The following RRN3 variants were observed in gnomAD, a reference collection of about 807,000 sequenced individuals.
The protein encoded by RRN3 is RNA polymerase I-specific transcription initiation factor RRN3.
RRN3 carries 38 observed loss-of-function variants against 82.3 expected under a neutral mutation model. The ratio of observed to expected loss-of-function variants is 0.46; its 90% CI spans 0.36 to 0.61. The LOEUF is 0.61. Ranked by LOEUF, RRN3 falls within the 20% of genes least tolerant of loss-of-function variation. The pLI is 0.00. For missense variants in RRN3, 726 were observed against 793.1 expected (o/e 0.92, Z 1.02); for synonymous variants, 284 against 284.3 (o/e 1.00, Z 0.01).
At chr16:15,092,408 T>C in intron 2 of RRN3, 101 bp downstream of exon 2, 1 of 733,710 alleles carries the variant, frequency 1.4e-6, no homozygotes, top group South Asian at 1.5e-5. Context: ...TTTCAACTGG[T>C]ATCTTAATTA....
At chr16:15,075,020 TG>T (rs1342729084) in intron 10 of RRN3, among the ~76,000 whole-genome samples, 159 bp from the exon 11 acceptor site, 3 of 151,106 alleles carry the variant, frequency 2.0e-5, no homozygotes, top group African/African-American at 4.9e-5. Context: ...GAAGCAGAGG[TG>T]GGGGGATCAC....
chr16:15,076,484 A>G, intron 10 of RRN3, 74 bp downstream of exon 10: 1 of 1,009,332 alleles, frequency 9.9e-7, no homozygotes, highest in Non-Finnish European at 1.6e-6. Flanking sequence ...AAGCCTTAAC[A>G]AAGATGAGCA....
At position 15,094,184 on chromosome 16, in the gene RRN3, G is replaced by A. The variant is rs142932327; in HGVS notation, c.50C>T (p.Ser17Leu). The change falls in exon 1 of 18, where the codon TCG (serine) becomes TTG (leucine). Residue 17 changes from serine (S) to leucine (L), a missense_variant. Coordinates refer to ENST00000198767, the MANE Select transcript of RRN3 (RefSeq NM_018427.5). ...GCCCAGCTTCTTAACTGCAGAGGACGAAGCGGCCGCATCTCCCGGCAAACG... is the reference window on the plus strand; with the variant it reads ...GCCCAGCTTCTTAACTGCAGAGGACAAAGCGGCCGCATCTCCCGGCAAACG... The part of the protein sequence containing the change: ...HTRLPGDAAA[S>L]SSAVKKLGAS... 2.2e-4 allele frequency: 358 copies of A among 1,601,958 alleles called. No homozygotes were observed. The African/African-American group carries it at 3.7e-3, about 16-fold the overall frequency.
At chr16:15,077,104 C>T (rs1351159695) in intron 9 of RRN3, among the ~76,000 whole-genome samples, 9 of 151,844 alleles carry the variant, frequency 5.9e-5, no homozygotes, top group African/African-American at 1.7e-4. Flanking sequence ...CTCAGCCTCC[C>T]GAGTAGCTGG....
chr16:15,073,225 G>T, intron 11 of RRN3, 145 bp from the exon 12 acceptor site: 1 of 896,638 alleles, frequency 1.1e-6, no homozygotes, highest in Non-Finnish European at 1.7e-6. Flanking sequence ...CAGCACTTTG[G>T]GAGGCCAAAG....
At position 15,063,361 on chromosome 16, in the gene RRN3, A is replaced by G. The variant is rs1237783878; in HGVS notation, c.1707-78T>C. 4.8e-6 allele frequency: 5 copies of G among 1,045,894 alleles called. No individual in the cohort carries two copies. In the Admixed American group the frequency reaches 8.5e-5, roughly 18 times the overall value. 64.8% of individuals were successfully genotyped at this position (1,045,894 alleles called of 1,614,324 possible). On this transcript the variant is annotated intron_variant, in intron 16 of 17. Transcript: ENST00000198767. ...AAAATTGGTTTGGATCTTTTCTCAC[A>G]AGATCTATTACCCAAAACCAAGAAG...
intron 9 of RRN3, among the ~76,000 whole-genome samples, chr16:15,078,770 G>A (rs2045569111): frequency 6.6e-6 from 1 of 151,044 alleles, no homozygotes; most frequent in South Asian, 2.1e-4. Flanking sequence ...ACCTGGCCAA[G>A]ATGGAACTAC....
rs2045192232 is a variant in RRN3 at position 15,070,832 on chromosome 16, A to G, written c.1259+289T>C. ...AAATGAAAAAATGACAAACCTACAA[A>G]AAGAATCAAAACAGTATACAACACT... On this transcript the variant is annotated intron_variant, in intron 13 of 17. Transcript: ENST00000198767. Among the ~76,000 whole-genome samples, 2 of 152,144 alleles carry G rather than the reference A, an allele frequency of 1.3e-5. 1 individual carries two copies. The highest frequency in any genetic ancestry group is 1.3e-4 in the Admixed American group (2 of 15,266).
chr16:15,080,742 A>G (rs549035702), intron 8 of RRN3, among the ~76,000 whole-genome samples: 8 of 152,258 alleles, frequency 5.3e-5, no homozygotes, highest in African/African-American at 1.9e-4. Context: ...TAACATTTTA[A>G]TCACGCTAAA....
chr16:15,066,833 G>C (rs1007636731), intron 15 of RRN3, among the ~76,000 whole-genome samples: 2 of 151,600 alleles, frequency 1.3e-5, no homozygotes, highest in South Asian at 2.1e-4. Flanking sequence ...TCTGTACCTA[G>C]GCAGAGACTT....
Position 15,068,240 on chromosome 16 carries a change from T to C in RRN3, c.1482A>G (p.Ile494Met). 1 of 1,584,314 alleles carries C rather than the reference T, an allele frequency of 6.3e-7. No homozygotes were observed. The highest frequency in any genetic ancestry group is 8.6e-7 in the Non-Finnish European group (1 of 1,167,408). The change falls in exon 15 of 18, where the codon ATA (isoleucine) becomes ATG (methionine). Residue 494 changes from isoleucine to methionine, a missense_variant. By Grantham distance (10) the Ile-to-Met change is conservative. This residue lies in a region of RRN3 where 81 missense variants were observed against 156.4 expected (regional missense o/e 0.52). Coordinates refer to ENST00000198767, the MANE Select transcript of RRN3 (RefSeq NM_018427.5). ...TCAGGGGATTTAGCTGGCTCATCAC[T>C]ATCCGCTCAAAATTCAGACTCTGAA... Reference protein sequence around the residue: ...QYLQSLNFERIVMSQLNPLKI... With the variant: ...QYLQSLNFERMVMSQLNPLKI...
chr16:15,093,259 C>T (rs2046213160), intron 1 of RRN3, among the ~76,000 whole-genome samples: 1 of 152,208 alleles, frequency 6.6e-6, no homozygotes, highest in African/African-American at 2.4e-5. Flanking sequence ...CCGCCTCGGC[C>T]TCCCAAAGTG....
Position 15,089,574 on chromosome 16 carries a change from G to C in RRN3, c.252+1741C>G, listed in dbSNP as rs980372836. 2.4e-4 allele frequency among the ~76,000 whole-genome samples: 36 copies of C among 152,016 alleles called. 2 individuals carry two copies. The stretch of plus-strand genomic sequence containing the variant: ...CCAGCACTTTGGGAGGCCAAGGCGG[G>C]CGGATCACGAGGTCAGAAGATCGAG... On this transcript the variant is annotated intron_variant, in intron 3 of 17. Transcript: ENST00000198767.
In RRN3 at chr16:15,068,293, A is replaced by C. The variant is rs774336480; in HGVS notation, c.1445-16T>G. 2 of 1,566,936 alleles carry C rather than the reference A, an allele frequency of 1.3e-6. No individual in the cohort carries two copies. Among genetic ancestry groups the C allele is most frequent in the East Asian group, 2.3e-5 (1 of 44,416 alleles). On this transcript the variant is annotated splice_polypyrimidine_tract_variant and intron_variant, in intron 14 of 17. Coordinates refer to ENST00000198767, the MANE Select transcript of RRN3 (RefSeq NM_018427.5). ...TACTGCAAACCTTTGGTTTAAAAAA[A>C]AAAAAGATTTTTTTAAAGGTACAAA...
chr16:15,086,567 A>C (rs112415717), intron 3 of RRN3, 113 bp from the exon 4 acceptor site: 16,060 of 1,489,292 alleles, frequency 0.011, 109 homozygotes, highest in Middle Eastern at 0.031. Flanking sequence ...AAAAGGTCAC[A>C]AACTTGGAAG....
chr16:15,061,777 T>G lies in RRN3; in HGVS notation c.1923A>C (p.Pro641=). The part of the protein sequence containing the change: ...FRSPSSSVGS[P]PVLYMQPSPL ...GACTGGGTTGCATGTACAACACGGG[T>G]GGGGAGCCCACACTACTTGAAGGAC... Residue 641 remains proline, a synonymous_variant, in exon 18 of 18, where the codon CCA becomes CCC. Transcript: ENST00000198767. 1 of 1,613,904 alleles carries G rather than the reference T, an allele frequency of 6.2e-7. No homozygotes were observed. The highest frequency in any genetic ancestry group is 2.2e-5 in the East Asian group (1 of 44,864).
Position 15,071,260 on chromosome 16 carries a change from A to G in RRN3, c.1129-9T>C. On this transcript the variant is annotated splice_polypyrimidine_tract_variant and intron_variant, in intron 12 of 17. Transcript: ENST00000198767. ...AATGCCTCTGCGAATCCCTATAAAA[A>G]GAGAGGGCGTCGGTGTGATCTTTTT... is the stretch of plus-strand genomic sequence containing the variant. 8 of 1,601,470 alleles carry G rather than the reference A, an allele frequency of 5.0e-6. No homozygotes were observed. In the South Asian group the frequency reaches 7.9e-5, roughly 16 times the overall value.
chr16:15,070,288 C>T, intron 13 of RRN3, 34 bp from the exon 14 acceptor site: 3 of 1,608,040 alleles, frequency 1.9e-6, no homozygotes, highest in Non-Finnish European at 2.5e-6. Context: ...CAACTTTACA[C>T]ATCATAAAAA....
chr16:15,077,947 A>T (rs1399751135), intron 9 of RRN3, among the ~76,000 whole-genome samples: 1 of 152,258 alleles, frequency 6.6e-6, no homozygotes, highest in East Asian at 1.9e-4. Flanking sequence ...ACTCACAGAC[A>T]CATTGTGTAA....
Sources: gnomAD v4.1 joint callset for allele counts (sites outside exome capture counted in the v4.1 genomes callset) on GRCh38, gnomAD v4.1.1 for gene constraint, gnomAD v4.1.1 regional missense constraint, MANE v1.5 for transcripts, NCBI Gene and HGNC (gene_info 2026-07-23, HGNC 2026-07-21) for gene names.